The following THSD4 variants were observed in gnomAD, a reference collection of about 807,000 sequenced individuals.
THSD4 encodes the protein thrombospondin type-1 domain-containing protein 4.
Under a neutral mutation model 119.0 loss-of-function variants are expected in THSD4, and 69 were observed. That is an observed-to-expected ratio of 0.58 (90% CI 0.48 to 0.71). The LOEUF is 0.71. Ranked by LOEUF, THSD4 falls within the 30% of genes least tolerant of loss-of-function variation. The pLI is 0.00. For missense variants in THSD4, 1,393 were observed against 1,391.1 expected (o/e 1.00, Z -0.02); for synonymous variants, 524 against 540.4 (o/e 0.97, Z 0.42).
rs1311235723 is a variant in THSD4, at chr15:71,696,342, A to C, written c.1358-32207A>C. ...GAGGAACCTCACTTTATAACAACCCACTCTTTTGGGAACTAACCCCTTTAC... is the reference window on the plus strand; with the variant it reads ...GAGGAACCTCACTTTATAACAACCCCCTCTTTTGGGAACTAACCCCTTTAC... On this transcript the variant is annotated intron_variant, in intron 8 of 17. Coordinates refer to ENST00000261862, the MANE Select transcript of THSD4 (RefSeq NM_024817.3). 2.0e-5 allele frequency among the ~76,000 whole-genome samples: 3 copies of C among 151,878 alleles called. No individual in the cohort carries two copies. In the East Asian group the frequency reaches 5.8e-4, roughly 29 times the overall value.
chr15:71,469,752 C>T (rs1360308042), intron 7 of THSD4, among the ~76,000 whole-genome samples: 12 of 152,188 alleles, frequency 7.9e-5, no homozygotes, highest in Admixed American at 7.9e-4. Context: ...ATGCTGGTCT[C>T]GCTGTTGTAT....
chr15:71,545,057 A>G (rs764550703), intron 7 of THSD4, among the ~76,000 whole-genome samples: 30 of 152,310 alleles, frequency 2.0e-4, no homozygotes, highest in Non-Finnish European at 4.3e-4. Context: ...TCTGTTTGGG[A>G]TAATGGAAAA....
chr15:71,566,917 A>C (rs1007053651), intron 7 of THSD4, among the ~76,000 whole-genome samples: 1 of 151,620 alleles, frequency 6.6e-6, no homozygotes, highest in Non-Finnish European at 1.5e-5. Flanking sequence ...TTTTTTCCCT[A>C]AACACTTAAA....
At chr15:71,640,526 G>C (rs2050836671) in intron 7 of THSD4, among the ~76,000 whole-genome samples, 1 of 152,096 alleles carries the variant, frequency 6.6e-6, no homozygotes, top group South Asian at 2.1e-4. Context: ...TGTAAGTTGA[G>C]GCCACTGACC....
chr15:71,684,991 A>G (rs886540570), intron 8 of THSD4, among the ~76,000 whole-genome samples: 1 of 152,110 alleles, frequency 6.6e-6, no homozygotes, highest in Admixed American at 6.6e-5. Context: ...TTCATGGAGA[A>G]TTTCAAATGT....
chr15:71,539,712 T>C (rs1259851075), intron 7 of THSD4, among the ~76,000 whole-genome samples: 1 of 152,222 alleles, frequency 6.6e-6, no homozygotes, highest in African/African-American at 2.4e-5. Flanking sequence ...TTTTCTGTTT[T>C]CTGGTATCTA....
At chr15:71,208,408 T>C (rs1396151133) in intron 3 of THSD4, among the ~76,000 whole-genome samples, 2 of 152,146 alleles carry the variant, frequency 1.3e-5, no homozygotes, top group African/African-American at 4.8e-5. Context: ...ACTGTCACAG[T>C]CTCTTGCACA....
At chr15:71,187,244 C>T (rs1239267205) in intron 3 of THSD4, 2 of 152,668 alleles carry the variant, frequency 1.3e-5, no homozygotes, top group Non-Finnish European at 1.5e-5. Flanking sequence ...ACCCTTTCTC[C>T]TCCGTTAAAG....
At chr15:71,214,885 G>A in intron 3 of THSD4, 150 bp from the exon 4 acceptor site, 3 of 1,177,878 alleles carry the variant, frequency 2.5e-6, no homozygotes, top group Non-Finnish European at 3.2e-6. Flanking sequence ...TCCAAAAACC[G>A]ACTCTAAGCC....
chr15:71,506,497 G>A (rs531221999), intron 7 of THSD4, among the ~76,000 whole-genome samples: 9 of 152,284 alleles, frequency 5.9e-5, no homozygotes, highest in Non-Finnish European at 1.3e-4. Context: ...GCCAACCAAG[G>A]CCAGGTTGTT....
chr15:71,131,331 G>A (rs944975276), intron 1 of THSD4, among the ~76,000 whole-genome samples: 1 of 151,906 alleles, frequency 6.6e-6, no homozygotes, highest in African/African-American at 2.4e-5. Context: ...AAGATGAAAA[G>A]CAAACGAAAA....
chr15:71,439,519 TATACC>T (rs1188012592), intron 7 of THSD4, among the ~76,000 whole-genome samples: 1 of 152,214 alleles, frequency 6.6e-6, no homozygotes, highest in African/African-American at 2.4e-5. Flanking sequence ...TTACTGAGTA[TATACC>T]CTAAGGATTA....
intron 7 of THSD4, among the ~76,000 whole-genome samples, chr15:71,601,806 G>A (rs886422835): frequency 1.3e-5 from 2 of 152,204 alleles, no homozygotes; most frequent in African/African-American, 4.8e-5. Context: ...TTTCTTTACT[G>A]TGTCAAAGCA....
intron 6 of THSD4, among the ~76,000 whole-genome samples, chr15:71,352,936 A>G (rs1319210351): frequency 6.6e-6 from 1 of 152,270 alleles, no homozygotes; most frequent in African/African-American, 2.4e-5. Flanking sequence ...CACAAGCCCA[A>G]ACGTTCTGGG....
chr15:71,473,638 G>C (rs2047615038), intron 7 of THSD4, among the ~76,000 whole-genome samples: 1 of 152,166 alleles, frequency 6.6e-6, no homozygotes, highest in Non-Finnish European at 1.5e-5. Context: ...AAGAGTCAGG[G>C]AACATTCCCT....
At chr15:71,671,266 G>C (rs2051522293) in intron 8 of THSD4, among the ~76,000 whole-genome samples, 1 of 152,162 alleles carries the variant, frequency 6.6e-6, no homozygotes, top group East Asian at 1.9e-4. Context: ...GTGTCTGTTG[G>C]CTGCATAAAT....
chr15:71,565,910 A>G (rs1163242721), intron 7 of THSD4, among the ~76,000 whole-genome samples: 1 of 152,186 alleles, frequency 6.6e-6, no homozygotes, highest in African/African-American at 2.4e-5. Flanking sequence ...TGATGATGGC[A>G]GACAGAAGTA....
intron 6 of THSD4, among the ~76,000 whole-genome samples, chr15:71,262,549 T>C (rs1335678138): frequency 6.6e-6 from 1 of 152,134 alleles, no homozygotes; most frequent in East Asian, 1.9e-4. Context: ...TGCTATAGGC[T>C]ATAGGGCATC....
At chr15:71,458,988 C>T (rs1467490906) in intron 7 of THSD4, among the ~76,000 whole-genome samples, 1 of 152,018 alleles carries the variant, frequency 6.6e-6, no homozygotes, top group Non-Finnish European at 1.5e-5. Flanking sequence ...TCAGATGGAA[C>T]TTTCTCTGCT....
Sources: allele counts gnomAD v4.1 joint callset (sites outside exome capture counted in the v4.1 genomes callset), GRCh38; gene constraint gnomAD v4.1.1; transcripts MANE v1.5; gene names NCBI Gene and HGNC (gene_info 2026-07-23, HGNC 2026-07-21).